The following PDZRN3 variants were observed in gnomAD, a reference collection of about 807,000 sequenced individuals.
PDZRN3 encodes PDZ domain containing ring finger 3, also known as E3 ubiquitin-protein ligase PDZRN3.
PDZRN3 carries 38 observed loss-of-function variants against 85.7 expected under a neutral mutation model. That is an observed-to-expected ratio of 0.44 (90% CI 0.34 to 0.58). The LOEUF (loss-of-function observed/expected upper bound fraction) is 0.58. Ranked by LOEUF, PDZRN3 falls within the 20% of genes least tolerant of loss-of-function variation. The pLI, the probability that PDZRN3 is intolerant of heterozygous loss-of-function variation, is 0.01. For synonymous variants in PDZRN3, 759 were observed against 638.0 expected (o/e 1.19, Z -2.86); for missense variants, 1,629 against 1,506.4 (o/e 1.08, Z -1.35).
At chr3:73,615,878 G>T (rs900673402) in intron 1 of PDZRN3, among the ~76,000 whole-genome samples, 7 of 151,952 alleles carry the variant, frequency 4.6e-5, no homozygotes, top group African/African-American at 9.7e-5. Flanking sequence ...CCTAAATAAA[G>T]AAAAAAGTGC....
chr3:73,492,172 G>A (rs1377947515), intron 3 of PDZRN3, among the ~76,000 whole-genome samples: 1 of 152,088 alleles, frequency 6.6e-6, no homozygotes, highest in Non-Finnish European at 1.5e-5. Context: ...CAATTTCAAG[G>A]GGCCTCTGAA....
At chr3:73,413,416 G>C (rs1575634421) in intron 3 of PDZRN3, among the ~76,000 whole-genome samples, 1 of 152,142 alleles carries the variant, frequency 6.6e-6, no homozygotes, top group African/African-American at 2.4e-5. Context: ...CCACACATGG[G>C]TTTTTGTTCT....
intron 3 of PDZRN3, among the ~76,000 whole-genome samples, chr3:73,548,529 G>A (rs1193819797): frequency 6.6e-6 from 1 of 152,194 alleles, no homozygotes; most frequent in African/African-American, 2.4e-5. Flanking sequence ...GCTCAACCTA[G>A]TTGACTTCCC....
intron 3 of PDZRN3, chr3:73,474,738 C>T (rs1703415420): frequency 3.6e-6 from 2 of 557,378 alleles, no homozygotes; most frequent in Admixed American, 4.1e-5. Flanking sequence ...GGAAAGGTTC[C>T]CCTTGCGAAG....
intron 2 of PDZRN3, among the ~76,000 whole-genome samples, chr3:73,602,801 T>C (rs773834300): frequency 6.6e-6 from 1 of 152,234 alleles, no homozygotes; most frequent in Non-Finnish European, 1.5e-5. Context: ...TGCATACAAA[T>C]GTGATTATGC....
At chr3:73,437,264 A>C (rs988422957) in intron 3 of PDZRN3, among the ~76,000 whole-genome samples, 1 of 152,212 alleles carries the variant, frequency 6.6e-6, no homozygotes, top group Non-Finnish European at 1.5e-5. Context: ...GAAGGAAAGC[A>C]TAGTTTTACA....
In PDZRN3 at chr3:73,490,440, G is replaced by GC. The variant is rs1703749104; in HGVS notation, c.919-86046dup. The stretch of plus-strand genomic sequence containing the variant: ...TTCAGCTCCATATTTGACTGAAAAA[G>GC]CCTCCCAGCCCCTCTCAACACCCAC... On this transcript the variant is annotated intron_variant, in intron 3 of 9. Transcript: ENST00000263666. Among the ~76,000 whole-genome samples, 3 of 152,304 alleles carry GC rather than the reference G, an allele frequency of 2.0e-5. No individual in the cohort carries two copies. In the South Asian group the frequency reaches 6.2e-4, roughly 32 times the overall value.
chr3:73,554,858 G>A (rs965382234), intron 3 of PDZRN3, among the ~76,000 whole-genome samples: 5 of 152,188 alleles, frequency 3.3e-5, no homozygotes, highest in Non-Finnish European at 7.3e-5. Flanking sequence ...TGCCAAATGG[G>A]TGAACCAGAA....
Position 73,624,154 on chromosome 3 carries a change from G to T in PDZRN3, c.672C>A (p.Ser224Arg). The change falls in exon 1 of 10, where the codon AGC (serine) becomes AGA (arginine). Residue 224 changes from serine to arginine, a missense_variant. Transcript: ENST00000263666. ...AGCGGCTGAGCGAGTCGAGGCGCGCGCTGTATTCGGTGAATTTCTTCTGGT... is the reference window on the plus strand; with the variant it reads ...AGCGGCTGAGCGAGTCGAGGCGCGCTCTGTATTCGGTGAATTTCTTCTGGT... ...LRYQKKFTEY[S>R]ARLDSLSRCV... The T allele has an allele frequency of 6.0e-6, 9 of 1,495,538 alleles. No homozygotes were observed. The highest frequency in any genetic ancestry group is 8.0e-6 in the Non-Finnish European group (9 of 1,128,552). The allele number at this position is 1,495,538 out of a possible 1,614,324, so 92.6% of individuals were successfully genotyped here.
At chr3:73,401,798 A>G (rs910284723) in intron 4 of PDZRN3, 2 of 152,202 alleles carry the variant, frequency 1.3e-5, no homozygotes, top group Admixed American at 6.5e-5. Flanking sequence ...GGAGCTTAAC[A>G]GTCCACGGTG....
chr3:73,489,191 T>C (rs1703722116), intron 3 of PDZRN3, among the ~76,000 whole-genome samples: 1 of 152,220 alleles, frequency 6.6e-6, no homozygotes, highest in African/African-American at 2.4e-5. Context: ...ACTTGTGCTA[T>C]ATTTCCTTGC....
chr3:73,576,563 T>C (rs1383360871), intron 3 of PDZRN3, among the ~76,000 whole-genome samples: 2 of 152,206 alleles, frequency 1.3e-5, no homozygotes, highest in Non-Finnish European at 2.9e-5. Context: ...TTCAGGGTGA[T>C]GCAAGTAGAA....
chr3:73,590,000 G>A (rs1052809419), intron 3 of PDZRN3, among the ~76,000 whole-genome samples: 4 of 152,020 alleles, frequency 2.6e-5, no homozygotes, highest in African/African-American at 7.2e-5. Flanking sequence ...TGGGCTCAGC[G>A]GCTCACGCAT....
At chr3:73,497,349 G>A (rs559971506) in intron 3 of PDZRN3, among the ~76,000 whole-genome samples, 1 of 152,274 alleles carries the variant, frequency 6.6e-6, no homozygotes, top group Admixed American at 6.5e-5. Flanking sequence ...AATGAAGAAA[G>A]CCATGAAAAC....
chr3:73,600,566 A>T (rs934365716), intron 3 of PDZRN3, among the ~76,000 whole-genome samples: 2 of 152,158 alleles, frequency 1.3e-5, no homozygotes, highest in African/African-American at 4.8e-5. Flanking sequence ...TCTCAACACT[A>T]CATGATTAAT....
intron 3 of PDZRN3, among the ~76,000 whole-genome samples, chr3:73,550,502 G>A (rs1701528516): frequency 6.6e-6 from 1 of 152,140 alleles, no homozygotes; most frequent in African/African-American, 2.4e-5. Flanking sequence ...TTATTTAAAA[G>A]CCCCCCACCT....
intron 3 of PDZRN3, among the ~76,000 whole-genome samples, chr3:73,598,968 G>A (rs561787834): frequency 2.6e-5 from 4 of 152,292 alleles, no homozygotes; most frequent in South Asian, 4.1e-4. Flanking sequence ...GAGATGACAC[G>A]AAGAATCTCC....
chr3:73,513,127 C>T (rs957739588), intron 3 of PDZRN3, among the ~76,000 whole-genome samples: 68 of 152,246 alleles, frequency 4.5e-4, no homozygotes, highest in African/African-American at 1.6e-3. Flanking sequence ...CTGAATCTAG[C>T]CCACGGACCT....
At position 73,384,312 on chromosome 3, in the gene PDZRN3, T is replaced by C; in HGVS notation, c.2254A>G (p.Lys752Glu). ...GTGTTGTAGGCGCTCGAGCTGTCCT[T>C]GTCGGATTTCTCCGGGAGCTCGGTG... ...DITELPEKSD[K>E]DSSSAYNTGE... Residue 752 changes from lysine (K) to glutamate (E), a missense_variant, in exon 10 of 10, where the codon AAG (lysine) becomes GAG (glutamate). Lys to Glu is a moderately conservative substitution (Grantham distance 56). Coordinates refer to ENST00000263666, the MANE Select transcript of PDZRN3 (RefSeq NM_015009.3). The C allele has an allele frequency of 6.2e-7, 1 of 1,612,438 alleles. No homozygotes were observed. Among genetic ancestry groups the C allele is most frequent in the Non-Finnish European group, 8.5e-7 (1 of 1,179,976 alleles).
Sources: gnomAD v4.1 joint callset for allele counts (sites outside exome capture counted in the v4.1 genomes callset) on GRCh38, gnomAD v4.1.1 for gene constraint, MANE v1.5 for transcripts, NCBI Gene and HGNC (gene_info 2026-07-23, HGNC 2026-07-21) for gene names.